The following SVOPL variants were observed in gnomAD, a reference collection of about 807,000 sequenced individuals.
The protein encoded by SVOPL is SVOP like, also known as putative transporter SVOPL.
Under a neutral mutation model 61.0 loss-of-function variants are expected in SVOPL, and 60 were observed. The observed-to-expected ratio is 0.98, with a 90% CI of 0.80 to 1.22. SVOPL has a LOEUF of 1.22. SVOPL is among the 50% of genes most tolerant of loss of function. The probability of loss-of-function intolerance (pLI) is 0.00; values close to 1 mark genes in which losing one functional copy is unlikely to be tolerated. For synonymous variants in SVOPL, 279 were observed against 250.0 expected (o/e 1.12, Z -1.09); for missense variants, 662 against 643.9 (o/e 1.03, Z -0.30).
chr7:138,669,483 A>T (rs112207000), intron 4 of SVOPL, among the ~76,000 whole-genome samples: 4,707 of 152,314 alleles, frequency 0.031, 92 homozygotes, highest in Non-Finnish European at 0.044. Context: ...GATCATGTCA[A>T]ATTACAAAGA....
At chr7:138,597,086 G>A in intron 14 of SVOPL, 1 of 1,182,494 alleles carries the variant, frequency 8.5e-7, no homozygotes. Flanking sequence ...CTGGGTTTCT[G>A]TCCATCTGTA....
In SVOPL at chr7:138,678,516, G is replaced by A. The variant is rs867869492; in HGVS notation, c.92C>T (p.Thr31Met). Residue 31 changes from threonine to methionine, a missense_variant, in exon 3 of 16, where the codon ACG becomes ATG. Coordinates refer to ENST00000674285, the MANE Select transcript of SVOPL (RefSeq NM_001139456.2). ...TAEPQVKEPK[T>M]FTVEDAVETI... ...CTCCACTGCATCTTCCACGGTGAAC[G>A]TCTTTGGCTCTAACAACGAAAGACA... The A allele has an allele frequency of 1.5e-5, 24 of 1,551,940 alleles. No homozygotes were observed. Among genetic ancestry groups the A allele is most frequent in the African/African-American group, 8.2e-5 (6 of 73,032 alleles).
At chr7:138,677,975 A>T (rs1235993282) in intron 3 of SVOPL, among the ~76,000 whole-genome samples, 2 of 152,080 alleles carry the variant, frequency 1.3e-5, no homozygotes, top group Non-Finnish European at 2.9e-5. Context: ...CATGTTGGCC[A>T]GGCTGGTCTC....
chr7:138,686,561 G>T (rs200063162), intron 1 of SVOPL, among the ~76,000 whole-genome samples: 6 of 131,266 alleles, frequency 4.6e-5, no homozygotes, highest in African/African-American at 1.8e-4. Context: ...TTGTTTTTTG[G>T]GTTTTTTTTT....
chr7:138,635,563 A>G (rs1004636508), intron 9 of SVOPL, among the ~76,000 whole-genome samples: 1 of 152,038 alleles, frequency 6.6e-6, no homozygotes, highest in Non-Finnish European at 1.5e-5. Context: ...AACTTGATAA[A>G]TATGAGATTT....
At chr7:138,631,989 C>CACACACACACACACACAT (rs1206290337) in intron 9 of SVOPL, among the ~76,000 whole-genome samples, 1 of 152,144 alleles carries the variant, frequency 6.6e-6, no homozygotes, top group African/African-American at 2.4e-5. Context: ...CACACATACA[C>CACACACACACACACACAT]ACACCCCTAC....
intron 2 of SVOPL, 101 bp downstream of exon 2, chr7:138,678,863 C>G: frequency 1.6e-6 from 2 of 1,225,064 alleles, no homozygotes; most frequent in South Asian, 1.4e-5. Context: ...AGCCACCATG[C>G]CTGGCTGCTT....
intron 3 of SVOPL, among the ~76,000 whole-genome samples, chr7:138,677,011 C>A (rs1418574859): frequency 6.6e-6 from 1 of 150,940 alleles, no homozygotes; most frequent in East Asian, 2.0e-4. Flanking sequence ...TCACGCCATT[C>A]TCCTGCCTCA....
At chr7:138,660,010 T>A (rs1335233666) in intron 5 of SVOPL, 22 bp from the exon 6 acceptor site, 1 of 1,551,098 alleles carries the variant, frequency 6.4e-7, no homozygotes, top group African/African-American at 1.4e-5. Flanking sequence ...GCAGAACACA[T>A]GAATGGGACC....
chr7:138,658,798 G>A (rs1801867032), intron 6 of SVOPL, among the ~76,000 whole-genome samples: 1 of 152,116 alleles, frequency 6.6e-6, no homozygotes, highest in Non-Finnish European at 1.5e-5. Flanking sequence ...AGCTTAAACT[G>A]AGTTTGCACA....
At chr7:138,596,207 A>T (rs910214875) in intron 15 of SVOPL, among the ~76,000 whole-genome samples, 6 of 144,328 alleles carry the variant, frequency 4.2e-5, no homozygotes, top group Non-Finnish European at 9.2e-5. Context: ...AAAAAAAAAA[A>T]GAAAGAAAAG....
chr7:138,620,119 G>GTTTTTTTTTTTTTTTT (rs375556204), intron 14 of SVOPL, among the ~76,000 whole-genome samples: 4 of 114,586 alleles, frequency 3.5e-5, no homozygotes, highest in Non-Finnish European at 3.7e-5. Context: ...TTTTTTTTCT[G>GTTTTTTTTTTTTTTTT]TTTTGTTTTT....
intron 6 of SVOPL, among the ~76,000 whole-genome samples, chr7:138,657,034 G>A (rs1413785031): frequency 7.0e-6 from 1 of 142,626 alleles, no homozygotes; most frequent in South Asian, 2.3e-4. Context: ...GAAACTCCAT[G>A]TTGAAAAGAC....
Position 138,622,274 on chromosome 7 carries a change from C to CTATCTATCTATG in SVOPL, c.1264-1140_1264-1139insCATAGATAGATA, listed in dbSNP as rs1799696024. 3.9e-5 allele frequency among the ~76,000 whole-genome samples: 4 copies of CTATCTATCTATG among 103,720 alleles called. No individual in the cohort carries two copies. The South Asian group carries it at 8.8e-4, about 23-fold the overall frequency. The allele number at this position is 103,720 out of a possible 152,430, so 68.0% of individuals were successfully genotyped here. ...TCTATGTATCTATCTATCTATGTAT[C>CTATCTATCTATG]TATCTATCTATCTATCTATCTATCT... is the stretch of plus-strand genomic sequence containing the variant. On this transcript the variant is annotated intron_variant, in intron 13 of 15. Coordinates refer to ENST00000674285, the MANE Select transcript of SVOPL (RefSeq NM_001139456.2).
At chr7:138,613,702 A>G (rs1218603025) in intron 14 of SVOPL, among the ~76,000 whole-genome samples, 2 of 152,174 alleles carry the variant, frequency 1.3e-5, no homozygotes, top group Non-Finnish European at 2.9e-5. Context: ...ATCTGGAATT[A>G]TTTTACATTA....
At chr7:138,625,755 G>A (rs1799861978) in intron 13 of SVOPL, among the ~76,000 whole-genome samples, 2 of 152,118 alleles carry the variant, frequency 1.3e-5, no homozygotes, top group Non-Finnish European at 2.9e-5. Context: ...TTTAAAGAAA[G>A]GAAAAAGATC....
chr7:138,686,837 T>A (rs1802828802), intron 1 of SVOPL, among the ~76,000 whole-genome samples: 1 of 152,168 alleles, frequency 6.6e-6, no homozygotes, highest in South Asian at 2.1e-4. Context: ...GTGCTGGGAT[T>A]ACAGGCATGA....
At chr7:138,656,578 C>T (rs1288201175) in intron 6 of SVOPL, 67 bp from the exon 7 acceptor site, 9 of 1,546,050 alleles carry the variant, frequency 5.8e-6, no homozygotes, top group Middle Eastern at 1.9e-4. Flanking sequence ...AAAAAATAAT[C>T]AGTTTTTCTT....
intron 14 of SVOPL, among the ~76,000 whole-genome samples, chr7:138,604,985 A>AT (rs1258620858): frequency 6.6e-6 from 1 of 151,028 alleles, no homozygotes; most frequent in African/African-American, 2.4e-5. Context: ...GGAGGCTGAG[A>AT]TGGGAGGGTC....
Sources: allele counts gnomAD v4.1 joint callset (sites outside exome capture counted in the v4.1 genomes callset), GRCh38; gene constraint gnomAD v4.1.1; transcripts MANE v1.5; gene names NCBI Gene and HGNC (gene_info 2026-07-23, HGNC 2026-07-21).